The following MALRD1 variants were observed in gnomAD, a reference collection of about 807,000 sequenced individuals.
MALRD1 encodes MAM and LDL receptor class A domain containing 1.
Under a neutral mutation model 242.1 loss-of-function variants are expected in MALRD1, and 247 were observed. That is an observed-to-expected ratio of 1.02 (90% CI 0.92 to 1.13). The LOEUF (loss-of-function observed/expected upper bound fraction) is 1.13, where lower values mean the gene tolerates loss of function less well. Among genes scored for constraint, MALRD1 ranks in the 50% most tolerant of loss-of-function variants. MALRD1 has a pLI of 0.00. For missense variants in MALRD1, 2,989 were observed against 2,533.1 expected, an observed-to-expected ratio of 1.18 and a Z score of -3.86; for synonymous variants, 995 against 866.6, an observed-to-expected ratio of 1.15 and a Z score of -2.60.
intron 28 of MALRD1, among the ~76,000 whole-genome samples, chr10:19,413,813 C>G (rs1191308267): frequency 1.3e-5 from 2 of 151,862 alleles, no homozygotes; most frequent in African/African-American, 4.8e-5. Context: ...GAAACACCAT[C>G]TCTGGCGGGT....
intron 31 of MALRD1, among the ~76,000 whole-genome samples, chr10:19,528,559 C>T (rs1834200396): frequency 6.6e-6 from 1 of 152,052 alleles, no homozygotes; most frequent in Admixed American, 6.6e-5. Context: ...TGCCGTTGCA[C>T]TCCAGCCTGG....
intron 2 of MALRD1, among the ~76,000 whole-genome samples, chr10:19,072,845 T>A (rs888338187): frequency 3.3e-5 from 5 of 152,152 alleles, no homozygotes; most frequent in Admixed American, 1.3e-4. Flanking sequence ...TAGTACTTAT[T>A]TGTACTGAGA....
chr10:19,414,897 A>G (rs1229058403), intron 28 of MALRD1, among the ~76,000 whole-genome samples: 2 of 152,240 alleles, frequency 1.3e-5, no homozygotes, highest in African/African-American at 4.8e-5. Flanking sequence ...ACTACAGGCC[A>G]AAGACTACAG....
chr10:19,220,958 A>G (rs181933116), intron 18 of MALRD1, among the ~76,000 whole-genome samples: 115 of 152,288 alleles, frequency 7.6e-4, no homozygotes, highest in Non-Finnish European at 1.5e-3. Flanking sequence ...AAGGACATGG[A>G]CTTTCAAATA....
chr10:19,222,710 T>C (rs545949951), intron 18 of MALRD1, among the ~76,000 whole-genome samples: 1 of 152,316 alleles, frequency 6.6e-6, no homozygotes, highest in South Asian at 2.1e-4. Context: ...CAGACTTGTT[T>C]GAATCATGTG....
intron 33 of MALRD1, among the ~76,000 whole-genome samples, chr10:19,568,295 G>A (rs990365978): frequency 1.3e-5 from 2 of 152,084 alleles, no homozygotes; most frequent in Non-Finnish European, 2.9e-5. Context: ...ATATTAAATA[G>A]TAGGGTCATT....
chr10:19,602,286 G>C (rs1838392267), intron 34 of MALRD1, among the ~76,000 whole-genome samples: 1 of 146,980 alleles, frequency 6.8e-6, no homozygotes, highest in South Asian at 2.1e-4. Flanking sequence ...ATGCTGGTGT[G>C]CTGCACCCAT....
At chr10:19,320,212 C>G (rs1842866188) in intron 21 of MALRD1, among the ~76,000 whole-genome samples, 1 of 151,750 alleles carries the variant, frequency 6.6e-6, no homozygotes, top group Non-Finnish European at 1.5e-5. Flanking sequence ...GTGATGCTCT[C>G]CCTCCCCTTA....
chr10:19,665,461 A>G (rs527622918), intron 36 of MALRD1, among the ~76,000 whole-genome samples: 74 of 152,018 alleles, frequency 4.9e-4, no homozygotes, highest in Non-Finnish European at 9.0e-4. Flanking sequence ...AGGGGAATTT[A>G]TGTTCTGTTT....
chr10:19,197,524 C>G (rs183674923), intron 14 of MALRD1, among the ~76,000 whole-genome samples: 308 of 152,244 alleles, frequency 2.0e-3, no homozygotes, highest in Non-Finnish European at 3.5e-3. Flanking sequence ...ACACCCTGGT[C>G]TCTGAATACA....
At chr10:19,202,326 T>A (rs1292987834) in intron 14 of MALRD1, among the ~76,000 whole-genome samples, 2 of 152,174 alleles carry the variant, frequency 1.3e-5, no homozygotes, top group South Asian at 2.1e-4. Context: ...GGCCAGGAAA[T>A]TTGATAGAAA....
At chr10:19,316,269 G>T (rs774380843) in intron 21 of MALRD1, among the ~76,000 whole-genome samples, 1 of 151,746 alleles carries the variant, frequency 6.6e-6, no homozygotes, top group Non-Finnish European at 1.5e-5. Flanking sequence ...CAGTAAAGAT[G>T]TAGTGAACAT....
chr10:19,331,607 T>TA (rs1843376040), intron 24 of MALRD1, 25 bp downstream of exon 24: 2 of 1,535,166 alleles, frequency 1.3e-6, no homozygotes, highest in Non-Finnish European at 1.8e-6. Context: ...TCTGTTTTCT[T>TA]ACTTTTGCCT....
chr10:19,281,685 A>G (rs1424786252), intron 20 of MALRD1, among the ~76,000 whole-genome samples: 1 of 152,144 alleles, frequency 6.6e-6, no homozygotes, highest in Non-Finnish European at 1.5e-5. Flanking sequence ...AAAAACACAT[A>G]ACATGGCCAG....
intron 2 of MALRD1, among the ~76,000 whole-genome samples, chr10:19,077,418 C>G (rs4604782): frequency 6.6e-6 from 1 of 151,766 alleles, no homozygotes; most frequent in Non-Finnish European, 1.5e-5. Context: ...ACACCCATTT[C>G]AGGCCAAGGC....
chr10:19,253,292 G>A (rs368317178), intron 18 of MALRD1, among the ~76,000 whole-genome samples: 3 of 151,882 alleles, frequency 2.0e-5, no homozygotes, highest in African/African-American at 7.3e-5. Context: ...CTATATGCTG[G>A]TTATAAAATG....
intron 28 of MALRD1, among the ~76,000 whole-genome samples, chr10:19,396,358 G>A (rs557026497): frequency 3.7e-4 from 56 of 151,904 alleles, no homozygotes; most frequent in Non-Finnish European, 5.7e-4. Context: ...GGCTGGTGTT[G>A]AACTCCTGGC....
chr10:19,063,282 CA>C (rs1221641034), intron 1 of MALRD1, among the ~76,000 whole-genome samples: 2 of 152,110 alleles, frequency 1.3e-5, no homozygotes, highest in African/African-American at 4.8e-5. Context: ...AATATTGACC[CA>C]GGGAAAATTT....
At chr10:19,566,298 A>ATTTT in intron 32 of MALRD1, among the ~76,000 whole-genome samples, 1 of 111,038 alleles carries the variant, frequency 9.0e-6, no homozygotes, top group East Asian at 2.8e-4. Context: ...TGCCTGGCTA[A>ATTTT]TTTTTTTTTT....
Sources: allele counts gnomAD v4.1 joint callset (sites outside exome capture counted in the v4.1 genomes callset), GRCh38; gene constraint gnomAD v4.1.1; transcripts MANE v1.5; gene names NCBI Gene and HGNC (gene_info 2026-07-23, HGNC 2026-07-21).